The following FARS2 variants were observed in gnomAD, a reference collection of about 807,000 sequenced individuals.
The protein encoded by FARS2 is phenylalanine--tRNA ligase, mitochondrial.
A neutral mutation model predicts 46.4 loss-of-function variants in FARS2; 40 were observed. The observed-to-expected ratio is 0.86, with a 90% CI of 0.67 to 1.12. The LOEUF (loss-of-function observed/expected upper bound fraction) is 1.12. FARS2 is among the 50% of genes most tolerant of loss of function. FARS2 has a pLI of 0.00. For missense variants in FARS2, 513 were observed against 567.9 expected, an observed-to-expected ratio of 0.90 and a Z score of 0.98; for synonymous variants, 234 against 214.9, an observed-to-expected ratio of 1.09 and a Z score of -0.78.
intron 6 of FARS2, among the ~76,000 whole-genome samples, chr6:5,741,838 G>C (rs145729693): frequency 2.0e-5 from 3 of 152,282 alleles, no homozygotes; most frequent in Non-Finnish European, 4.4e-5. Context: ...TTTTAGTAGA[G>C]ACAGGGTTTC....
intron 4 of FARS2, among the ~76,000 whole-genome samples, chr6:5,499,070 G>A (rs1040762448): frequency 1.3e-5 from 2 of 152,140 alleles, no homozygotes; most frequent in Non-Finnish European, 2.9e-5. Flanking sequence ...GCAAATTTTT[G>A]TATCTTTAGC....
At chr6:5,624,597 G>A (rs943439837) in intron 6 of FARS2, among the ~76,000 whole-genome samples, 1 of 152,174 alleles carries the variant, frequency 6.6e-6, no homozygotes, top group African/African-American at 2.4e-5. Context: ...GGTTTTCAGC[G>A]AGTCTTTGGC....
chr6:5,431,769 G>A, intron 4 of FARS2: 1 of 496,370 alleles, frequency 2.0e-6, no homozygotes. Context: ...GCTCTTTTCT[G>A]TAAGACCATT....
chr6:5,419,636 A>G (rs1253384109), intron 3 of FARS2, among the ~76,000 whole-genome samples: 2 of 152,190 alleles, frequency 1.3e-5, no homozygotes. Flanking sequence ...TAGCACCCAT[A>G]CAATGAGGGG....
intron 6 of FARS2, among the ~76,000 whole-genome samples, chr6:5,679,927 G>A (rs1440642119): frequency 7.4e-6 from 1 of 135,314 alleles, no homozygotes; most frequent in Non-Finnish European, 1.5e-5. Flanking sequence ...TTTACTTCCC[G>A]GTTCCTGAGG....
intron 4 of FARS2, among the ~76,000 whole-genome samples, chr6:5,492,428 G>C (rs1767177770): frequency 6.6e-6 from 1 of 152,178 alleles, no homozygotes; most frequent in African/African-American, 2.4e-5. Flanking sequence ...CTCTGAAAAA[G>C]TAAAATGTAT....
chr6:5,392,240 T>A (rs1246834494), intron 2 of FARS2, among the ~76,000 whole-genome samples: 1 of 152,194 alleles, frequency 6.6e-6, no homozygotes, highest in Non-Finnish European at 1.5e-5. Flanking sequence ...GACTACAGTC[T>A]CTTCCAGCTC....
intron 6 of FARS2, among the ~76,000 whole-genome samples, chr6:5,728,667 C>T (rs1760426538): frequency 6.6e-6 from 1 of 152,182 alleles, no homozygotes; most frequent in Non-Finnish European, 1.5e-5. Flanking sequence ...GCTCCCTCTT[C>T]TTCAGGGAAG....
chr6:5,658,194 T>C (rs1269122317), intron 6 of FARS2, among the ~76,000 whole-genome samples: 1 of 151,514 alleles, frequency 6.6e-6, no homozygotes, highest in Non-Finnish European at 1.5e-5. Context: ...AGGTGGAGTT[T>C]GTGGTGAGCC....
chr6:5,396,842 A>G (rs1340526305), intron 2 of FARS2, among the ~76,000 whole-genome samples: 2 of 152,114 alleles, frequency 1.3e-5, no homozygotes, highest in Non-Finnish European at 2.9e-5. Context: ...AGAGCGGTAA[A>G]TTGGTTCCAG....
At chr6:5,351,863 G>C (rs936536919) in intron 1 of FARS2, among the ~76,000 whole-genome samples, 1 of 152,154 alleles carries the variant, frequency 6.6e-6, no homozygotes, top group Non-Finnish European at 1.5e-5. Context: ...GGACAGTCAA[G>C]TTGTTTCTAA....
rs886256686 is a variant in FARS2, at chr6:5,431,150, G to C, written c.882G>C (p.Met294Ile). The C allele has an allele frequency of 3.7e-6, 6 of 1,613,704 alleles. No individual in the cohort carries two copies. In the African/African-American group the frequency reaches 6.7e-5, roughly 18 times the overall value. ...EWLEVLGCGV[M>I]EQQLVNSAGA... ...TGGAAGTTCTTGGCTGCGGGGTGAT[G>C]GAACAACAACTGGTCAATTCAGGTA... is the stretch of plus-strand genomic sequence containing the variant. Residue 294 changes from methionine to isoleucine, a missense_variant, in exon 4 of 7, where the codon ATG (methionine) becomes ATC (isoleucine). Met to Ile is a conservative substitution (Grantham distance 10). Coordinates refer to ENST00000274680, the MANE Select transcript of FARS2 (RefSeq NM_006567.5).
At chr6:5,622,182 C>T (rs1775809957) in intron 6 of FARS2, among the ~76,000 whole-genome samples, 3 of 152,206 alleles carry the variant, frequency 2.0e-5, no homozygotes, top group African/African-American at 4.8e-5. Flanking sequence ...AACAGCCCAG[C>T]CCTACTCGCC....
chr6:5,550,757 T>C (rs1344257380), intron 5 of FARS2, among the ~76,000 whole-genome samples: 1 of 152,198 alleles, frequency 6.6e-6, no homozygotes, highest in Non-Finnish European at 1.5e-5. Context: ...GGCTCTCCCA[T>C]TTATATCATA....
At chr6:5,321,582 A>T (rs1403695716) in intron 1 of FARS2, among the ~76,000 whole-genome samples, 1 of 152,158 alleles carries the variant, frequency 6.6e-6, no homozygotes, top group Non-Finnish European at 1.5e-5. Flanking sequence ...TCAGACAGGG[A>T]TATTTGCACT....
intron 6 of FARS2, among the ~76,000 whole-genome samples, chr6:5,692,306 G>A (rs1364789730): frequency 6.6e-6 from 1 of 152,206 alleles, no homozygotes; most frequent in Non-Finnish European, 1.5e-5. Context: ...GACTGGAGCT[G>A]TTCCTATTCG....
At chr6:5,346,707 T>C (rs1757252204) in intron 1 of FARS2, among the ~76,000 whole-genome samples, 1 of 152,202 alleles carries the variant, frequency 6.6e-6, no homozygotes, top group South Asian at 2.1e-4. Context: ...GTACTTGCTT[T>C]ATATTCACAT....
rs78391320 is a variant in FARS2, at chr6:5,424,716, A to G, written c.773-6325A>G. Among the ~76,000 whole-genome samples, 768 of 152,368 alleles carry G rather than the reference A, an allele frequency of 5.0e-3. 3 individuals carry two copies. Among genetic ancestry groups the G allele is most frequent in the Non-Finnish European group, 7.3e-3 (499 of 68,036 alleles). ...AGACTTCTTTGTCATGCCCTATTAC[A>G]TAATGAGATGGATCCTGTTATAGTA... is the stretch of plus-strand genomic sequence containing the variant. On this transcript the variant is annotated intron_variant, in intron 3 of 6. Transcript: ENST00000274680.
chr6:5,267,342 A>G (rs1431501963), intron 1 of FARS2, among the ~76,000 whole-genome samples: 1 of 152,046 alleles, frequency 6.6e-6, no homozygotes, highest in Non-Finnish European at 1.5e-5. Flanking sequence ...TAATGTTTTC[A>G]TATTGTCTGG....
Sources: gnomAD v4.1 joint callset for allele counts (sites outside exome capture counted in the v4.1 genomes callset) on GRCh38, gnomAD v4.1.1 for gene constraint, MANE v1.5 for transcripts, NCBI Gene and HGNC (gene_info 2026-07-23, HGNC 2026-07-21) for gene names.